Variants in TK2 observed in about 807,000 individuals in gnomAD.
The protein encoded by TK2 is thymidine kinase 2, mitochondrial.
In TK2, 35 loss-of-function variants were observed where a neutral mutation model predicts 41.9. The observed-to-expected ratio is 0.84, with a 90% CI of 0.64 to 1.11. TK2 has a LOEUF of 1.11. Ranked by LOEUF, TK2 falls within the 50% of genes least tolerant of loss-of-function variation. The pLI is 0.00. For missense variants in TK2, 320 were observed against 351.1 expected (o/e 0.91, Z 0.71); for synonymous variants, 128 against 129.1 (o/e 0.99, Z 0.06).
At chr16:66,542,110 G>A (rs1965475342) in intron 2 of TK2, among the ~76,000 whole-genome samples, 157 bp from the exon 3 acceptor site, 1 of 152,118 alleles carries the variant, frequency 6.6e-6, no homozygotes, top group Non-Finnish European at 1.5e-5. Flanking sequence ...AACTGGCAAG[G>A]TCCCATTGTT....
intron 1 of TK2, 180 bp downstream of exon 1, chr16:66,549,758 T>C (rs1310590122): frequency 4.7e-6 from 6 of 1,278,610 alleles, no homozygotes; most frequent in Admixed American, 4.3e-5. Context: ...CCCCCAGCGC[T>C]CGCTGCGGTC....
rs1555524489 is a variant in TK2 at position 66,510,228 on chromosome 16, AAGAG to A, written c.*1736_*1739del. The A allele has an allele frequency of 1.3e-5, 2 of 151,402 alleles. No individual in the cohort carries two copies. Among genetic ancestry groups the A allele is most frequent in the Non-Finnish European group, 2.9e-5 (2 of 67,830 alleles). The allele number at this position is 151,402 out of a possible 1,614,324, so 9.4% of individuals were successfully genotyped here. Reference sequence around the variant, plus strand: ...CCTTAGGCAAAAAAAAAAAAAAAAAAAGAGAGAGAAATCACATTTCCCCAAAAAT... The same window carrying A: ...CCTTAGGCAAAAAAAAAAAAAAAAAAAGAGAAATCACATTTCCCCAAAAAT... On this transcript the variant is annotated 3_prime_UTR_variant, in exon 10 of 10. Transcript: ENST00000544898.
At chr16:66,544,639 C>T (rs945952370) in intron 2 of TK2, among the ~76,000 whole-genome samples, 39 of 152,320 alleles carry the variant, frequency 2.6e-4, no homozygotes, top group African/African-American at 9.1e-4. Context: ...TCTGTGATTA[C>T]GCTACAATTT....
intron 6 of TK2, among the ~76,000 whole-genome samples, chr16:66,525,207 T>C (rs1020868337): frequency 6.6e-5 from 10 of 152,106 alleles, no homozygotes; most frequent in Admixed American, 4.6e-4. Flanking sequence ...CCTGGGAAGG[T>C]GTTTTGAATG....
intron 6 of TK2, among the ~76,000 whole-genome samples, 160 bp downstream of exon 6, chr16:66,528,834 C>T (rs773864659): frequency 2.0e-5 from 3 of 152,206 alleles, no homozygotes; most frequent in African/African-American, 4.8e-5. Flanking sequence ...TAGCTGTCTG[C>T]CATGAGGATT....
At chr16:66,549,346 G>C in intron 1 of TK2, 1 of 1,151,728 alleles carries the variant, frequency 8.7e-7, no homozygotes, top group Non-Finnish European at 1.1e-6. Flanking sequence ...CGGTGCACGG[G>C]GAAGAGTGGG....
At chr16:66,525,852 C>T (rs1964915029) in intron 6 of TK2, among the ~76,000 whole-genome samples, 1 of 152,174 alleles carries the variant, frequency 6.6e-6, no homozygotes, top group Non-Finnish European at 1.5e-5. Context: ...CCACAGAGGC[C>T]ATGCATTCTG....
Position 66,517,934 on chromosome 16 carries a change from A to G in TK2, c.450-57T>C. On this transcript the variant is annotated intron_variant, in intron 6 of 9. Transcript: ENST00000544898. This position sits in a 1 kb window ranked among gnomAD's most constrained non-coding sequence, Gnocchi z 4.3. Reference sequence around the variant, plus strand: ...TAAGAGAAAACTTCTGGGCTATGCAATTCCCCCAAAAGGATCTTGAGACGG... The same window carrying G: ...TAAGAGAAAACTTCTGGGCTATGCAGTTCCCCCAAAAGGATCTTGAGACGG... 1 of 1,430,762 alleles carries G rather than the reference A, an allele frequency of 7.0e-7. No individual in the cohort carries two copies. Among genetic ancestry groups the G allele is most frequent in the Admixed American group, 1.7e-5 (1 of 59,764 alleles). 88.6% of individuals were successfully genotyped at this position (1,430,762 alleles called of 1,614,324 possible).
chr16:66,518,290 G>A, intron 6 of TK2: 29 of 242,638 alleles, frequency 1.2e-4, no homozygotes, highest in South Asian at 1.8e-4. Context: ...ACTTTGGGAG[G>A]GTGAGGTGGG....
Position 66,511,590 on chromosome 16 carries a change from A to G in TK2, c.*378T>C. ...CTTCAAATTCCTCACCTGGGATATA[A>G]GACTCCTACCTCGGCCTCCTAATGA... On this transcript the variant is annotated 3_prime_UTR_variant, in exon 10 of 10. Coordinates refer to ENST00000544898, the MANE Select transcript of TK2 (RefSeq NM_004614.5). 2 of 354,378 alleles carry G rather than the reference A, an allele frequency of 5.6e-6. No individual in the cohort carries two copies. The highest frequency in any genetic ancestry group is 4.6e-5 in the South Asian group (2 of 43,022). The allele number at this position is 354,378 out of a possible 1,614,324, so 22.0% of individuals were successfully genotyped here. A position where few individuals can be genotyped will look rare whatever the true frequency, so the allele number is the denominator to read the frequency against.
At chr16:66,529,154 C>A in intron 5 of TK2, 87 bp from the exon 6 acceptor site, 5 of 1,260,320 alleles carry the variant, frequency 4.0e-6, no homozygotes, top group Non-Finnish European at 5.8e-6. Flanking sequence ...CTCCCCCTGC[C>A]TGGGGACTTT....
intron 6 of TK2, among the ~76,000 whole-genome samples, chr16:66,518,438 G>A (rs1033933275): frequency 6.6e-6 from 1 of 152,186 alleles, no homozygotes; most frequent in Non-Finnish European, 1.5e-5. Flanking sequence ...ACTGAGGCAG[G>A]TGGATCACTT....
rs753881948 is a variant in TK2 at position 66,531,388 on chromosome 16, G to C, written c.367C>G (p.Arg123Gly). Residue 123 changes from arginine to glycine, a missense_variant, in exon 5 of 10, where the codon CGT becomes GGT. By Grantham distance (125) the Arg-to-Gly change is moderately radical. Coordinates refer to ENST00000544898, the MANE Select transcript of TK2 (RefSeq NM_004614.5). ...GAGCATCTGAAACCTACCTGAGGAC[G>C]AGTATGCCTGTCCAGCATGGTGAGC... is the stretch of plus-strand genomic sequence containing the variant. ...VQLTMLDRHTRPQVSSVRLME... is the reference protein window; with the variant it reads ...VQLTMLDRHTGPQVSSVRLME... 3.9e-5 allele frequency: 63 copies of C among 1,614,026 alleles called. No individual in the cohort carries two copies. The East Asian group carries it at 1.4e-3, about 35-fold the overall frequency.
chr16:66,538,319 C>T (rs1965350705), intron 3 of TK2, among the ~76,000 whole-genome samples: 1 of 152,106 alleles, frequency 6.6e-6, no homozygotes, highest in African/African-American at 2.4e-5. Flanking sequence ...ACATGGAAAA[C>T]TCCTGTATAC....
chr16:66,545,206 G>A (rs1965570993), intron 2 of TK2, among the ~76,000 whole-genome samples: 1 of 151,932 alleles, frequency 6.6e-6, no homozygotes, highest in African/African-American at 2.4e-5. Flanking sequence ...GGATTTCTCT[G>A]ATCAAACCTT....
intron 5 of TK2, among the ~76,000 whole-genome samples, chr16:66,529,576 G>C (rs1316687473): frequency 6.6e-6 from 1 of 152,244 alleles, no homozygotes; most frequent in Non-Finnish European, 1.5e-5. Flanking sequence ...CGATGCCCAA[G>C]AGGGAGGAAG....
At position 66,508,150 on chromosome 16, in the gene TK2, A is replaced by G. The variant is rs910776355; in HGVS notation, c.*3818T>C. ...CAACAGTCTTAAAGAAAAAAAAAGA[A>G]AAGACACAGAAAGAAATTCAAGACA... On this transcript the variant is annotated 3_prime_UTR_variant, in exon 10 of 10. Transcript: ENST00000544898. The G allele has an allele frequency of 6.6e-6, 1 of 152,268 alleles. No individual in the cohort carries two copies. The highest frequency in any genetic ancestry group is 2.4e-5 in the African/African-American group (1 of 41,466). The allele number at this position is 152,268 out of a possible 1,614,324, so 9.4% of individuals were successfully genotyped here. A position where few individuals can be genotyped will look rare whatever the true frequency, so the allele number is the denominator to read the frequency against.
At chr16:66,513,461 G>C (rs892399572) in intron 9 of TK2, among the ~76,000 whole-genome samples, 11 of 152,204 alleles carry the variant, frequency 7.2e-5, no homozygotes, top group African/African-American at 2.4e-4. Flanking sequence ...CCCGGGTCTA[G>C]AGTCTTCGCT....
Position 66,509,835 on chromosome 16 carries a change from G to A in TK2, c.*2133C>T. ...TGCTCTGTGACCCCTGCCCCCACCA[G>A]CTCTGCCTGCCGCAGAGGGACAGCA... On this transcript the variant is annotated 3_prime_UTR_variant, in exon 10 of 10. Coordinates refer to ENST00000544898, the MANE Select transcript of TK2 (RefSeq NM_004614.5). 6.5e-6 allele frequency: 1 copy of A among 152,874 alleles called. No individual in the cohort carries two copies. The highest frequency in any genetic ancestry group is 1.5e-5 in the Non-Finnish European group (1 of 68,458). The allele number at this position is 152,874 out of a possible 1,614,324, so 9.5% of individuals were successfully genotyped here. A position where few individuals can be genotyped will look rare whatever the true frequency, so the allele number is the denominator to read the frequency against.
Sources: gnomAD v4.1 joint callset for allele counts (sites outside exome capture counted in the v4.1 genomes callset) on GRCh38, gnomAD v4.1.1 for gene constraint, Gnocchi (gnomAD v3.1) non-coding constraint, MANE v1.5 for transcripts, NCBI Gene and HGNC (gene_info 2026-07-23, HGNC 2026-07-21) for gene names.